Variants in USP28 observed in about 807,000 individuals in gnomAD.
USP28 encodes ubiquitin specific peptidase 28.
A neutral mutation model predicts 145.0 loss-of-function variants in USP28; 113 were observed. The observed-to-expected ratio is 0.78, with a 90% CI of 0.67 to 0.91. The LOEUF is 0.91. Among genes scored for constraint, USP28 ranks in the 40% least tolerant of loss-of-function variants. USP28 has a pLI of 0.00. For synonymous variants in USP28, 447 were observed against 450.9 expected, an observed-to-expected ratio of 0.99 and a Z score of 0.11; for missense variants, 1,201 against 1,289.6, an observed-to-expected ratio of 0.93 and a Z score of 1.05.
At chr11:113,825,383 G>T (rs1943172320) in intron 11 of USP28, among the ~76,000 whole-genome samples, 1 of 152,164 alleles carries the variant, frequency 6.6e-6, no homozygotes, top group South Asian at 2.1e-4. Context: ...AGCAAATGGA[G>T]CCCTCACACA....
chr11:113,828,403 AGT>A (rs1435187038), intron 10 of USP28, among the ~76,000 whole-genome samples: 1 of 152,222 alleles, frequency 6.6e-6, no homozygotes, highest in Non-Finnish European at 1.5e-5. Context: ...ATTAGGAATC[AGT>A]TTTTCCTTGA....
At chr11:113,808,629 T>C (rs1441965890) in intron 17 of USP28, among the ~76,000 whole-genome samples, 192 bp from the exon 18 acceptor site, 1 of 152,248 alleles carries the variant, frequency 6.6e-6, no homozygotes, top group Non-Finnish European at 1.5e-5. Flanking sequence ...ACTCTATTGA[T>C]AAAGTCTGTA....
chr11:113,805,126 C>CATCA, intron 19 of USP28, 80 bp from the exon 21 acceptor site: 6 of 1,351,914 alleles, frequency 4.4e-6, no homozygotes, highest in African/African-American at 1.5e-5. Context: ...AGGAGCTAGG[C>CATCA]AGTCTCTTGA....
intron 11 of USP28, among the ~76,000 whole-genome samples, chr11:113,824,313 G>T (rs150544590): frequency 6.6e-6 from 1 of 152,010 alleles, no homozygotes; most frequent in Middle Eastern, 3.4e-3. Context: ...ATGGATTGAA[G>T]GACTCAATAT....
chr11:113,847,192 A>T (rs1024435067), intron 3 of USP28, among the ~76,000 whole-genome samples: 1 of 152,060 alleles, frequency 6.6e-6, no homozygotes, highest in African/African-American at 2.4e-5. Context: ...ACCTAAAAAC[A>T]ATTACGATTT....
At chr11:113,820,960 C>A in intron 12 of USP28, 1 of 163,686 alleles carries the variant, frequency 6.1e-6, no homozygotes, top group South Asian at 1.6e-4. Flanking sequence ...TGCCTATTTT[C>A]CCAACCCAGA....
At chr11:113,851,381 G>C (rs1339586776) in intron 3 of USP28, among the ~76,000 whole-genome samples, 1 of 151,996 alleles carries the variant, frequency 6.6e-6, no homozygotes, top group South Asian at 2.1e-4. Context: ...CATCCCTTTC[G>C]GCCCTCCTCA....
intron 2 of USP28, among the ~76,000 whole-genome samples, chr11:113,853,040 C>A (rs956284963): frequency 6.6e-6 from 1 of 152,148 alleles, no homozygotes; most frequent in East Asian, 1.9e-4. Flanking sequence ...GTGGCTCACA[C>A]GCCTGTAATC....
At chr11:113,836,556 G>C (rs923116256) in intron 5 of USP28, among the ~76,000 whole-genome samples, 6 of 152,130 alleles carry the variant, frequency 3.9e-5, no homozygotes, top group Non-Finnish European at 8.8e-5. Flanking sequence ...CCCAAGTCCT[G>C]ACATCCTCCT....
chr11:113,853,087 G>C (rs1222193400), intron 2 of USP28, among the ~76,000 whole-genome samples: 1 of 152,098 alleles, frequency 6.6e-6, no homozygotes, highest in African/African-American at 2.4e-5. Context: ...CAGATCGCTT[G>C]AGCCCAGGAA....
intron 7 of USP28, among the ~76,000 whole-genome samples, chr11:113,832,970 G>A (rs1182627213): frequency 6.6e-6 from 1 of 152,166 alleles, no homozygotes; most frequent in Non-Finnish European, 1.5e-5. Flanking sequence ...GGAAAGTCTA[G>A]AAGAGAGAAG....
At chr11:113,842,478 A>C (rs940605748) in intron 3 of USP28, among the ~76,000 whole-genome samples, 7 of 151,822 alleles carry the variant, frequency 4.6e-5, no homozygotes, top group Non-Finnish European at 8.8e-5. Context: ...CCAGCTACTC[A>C]GGAGGTTGAG....
At chr11:113,815,140 C>T (rs749739033) in intron 14 of USP28, 34 bp downstream of exon 14, 2 of 1,595,010 alleles carry the variant, frequency 1.3e-6, no homozygotes, top group Non-Finnish European at 1.7e-6. Flanking sequence ...ACAGAAAAAG[C>T]AAAGAGTAAC....
chr11:113,815,313 C>T, exon 14 of USP28: 1 of 1,614,068 alleles, frequency 6.2e-7, no homozygotes, highest in South Asian at 1.1e-5. Context: ...GTGGTTTAGA[C>T]TTGGGTAAAG....
chr11:113,857,744 T>C (rs542307858), intron 1 of USP28, among the ~76,000 whole-genome samples: 56 of 152,348 alleles, frequency 3.7e-4, no homozygotes, highest in African/African-American at 1.3e-3. Flanking sequence ...CATTTGACCT[T>C]GGATTAAAGT....
At chr11:113,846,863 C>T (rs1290262261) in intron 3 of USP28, among the ~76,000 whole-genome samples, 1 of 152,078 alleles carries the variant, frequency 6.6e-6, no homozygotes, top group Admixed American at 6.5e-5. Context: ...GGTGTGGTGG[C>T]GTGTGCCAGT....
intron 1 of USP28, among the ~76,000 whole-genome samples, chr11:113,863,720 C>A (rs1399222799): frequency 7.0e-6 from 1 of 142,780 alleles, no homozygotes; most frequent in Non-Finnish European, 1.5e-5. Context: ...CTGAGGCGGC[C>A]GGATCACAAG....
intron 4 of USP28, among the ~76,000 whole-genome samples, chr11:113,841,028 A>G (rs1276321920): frequency 6.6e-6 from 1 of 152,226 alleles, no homozygotes; most frequent in Non-Finnish European, 1.5e-5. Flanking sequence ...TAAGGCTACC[A>G]TATTAGAAAT....
intron 1 of USP28, among the ~76,000 whole-genome samples, chr11:113,871,345 C>A (rs1049447631): frequency 6.6e-6 from 1 of 152,094 alleles, no homozygotes; most frequent in African/African-American, 2.4e-5. Flanking sequence ...TAGACTAGGA[C>A]TAAGGAGAAG....
Sources: allele counts gnomAD v4.1 joint callset (sites outside exome capture counted in the v4.1 genomes callset), GRCh38; gene constraint gnomAD v4.1.1; transcripts MANE v1.5; gene names NCBI Gene and HGNC (gene_info 2026-07-23, HGNC 2026-07-21).